The following ANKRD11 variants were observed in gnomAD, a reference collection of about 807,000 sequenced individuals.
The protein encoded by ANKRD11 is ankyrin repeat domain 11.
A neutral mutation model predicts 195.7 loss-of-function variants in ANKRD11; 17 were observed. That is an observed-to-expected ratio of 0.09 (90% CI 0.06 to 0.13). ANKRD11 has a LOEUF of 0.13. Ranked by LOEUF, ANKRD11 falls within the 10% of genes least tolerant of loss-of-function variation. The probability of loss-of-function intolerance (pLI) is 1.00; values close to 1 mark genes in which losing one functional copy is unlikely to be tolerated. For synonymous variants in ANKRD11, 1,953 were observed against 1,528.1 expected, an observed-to-expected ratio of 1.28 and a Z score of -6.49; for missense variants, 3,735 against 3,566.1, an observed-to-expected ratio of 1.05 and a Z score of -1.21.
At chr16:89,325,884 G>A (rs1252124029) in intron 2 of ANKRD11, among the ~76,000 whole-genome samples, 2 of 152,162 alleles carry the variant, frequency 1.3e-5, no homozygotes, top group African/African-American at 2.4e-5. Context: ...CGCCCTGCTA[G>A]GCCCTACTGG....
At chr16:89,450,494 C>T (rs2044020560) in intron 1 of ANKRD11, among the ~76,000 whole-genome samples, 1 of 152,316 alleles carries the variant, frequency 6.6e-6, no homozygotes, top group Admixed American at 6.5e-5. Context: ...TCAACAAATA[C>T]TTGCAAGTAT....
intron 1 of ANKRD11, among the ~76,000 whole-genome samples, chr16:89,424,439 C>G (rs1245393464): frequency 3.0e-5 from 3 of 98,474 alleles, no homozygotes; most frequent in Non-Finnish European, 6.5e-5. Flanking sequence ...AAAACTCTGT[C>G]TCAAAAAAAA....
chr16:89,381,290 C>G (rs1048976681), intron 2 of ANKRD11, among the ~76,000 whole-genome samples: 25 of 146,002 alleles, frequency 1.7e-4, no homozygotes, highest in Non-Finnish European at 2.4e-4. Context: ...CGACAATGCG[C>G]CACTGCACTC....
At chr16:89,424,271 G>C (rs550774637) in intron 1 of ANKRD11, among the ~76,000 whole-genome samples, 50 of 152,146 alleles carry the variant, frequency 3.3e-4, no homozygotes, top group Middle Eastern at 3.4e-3. Flanking sequence ...GAGAAACCCC[G>C]TCTGTACTAA....
chr16:89,416,260 G>C (rs1302395793), intron 2 of ANKRD11, among the ~76,000 whole-genome samples: 1 of 151,956 alleles, frequency 6.6e-6, no homozygotes, highest in African/African-American at 2.4e-5. Flanking sequence ...CTGATAGCTT[G>C]CTCCCCTTTA....
intron 2 of ANKRD11, among the ~76,000 whole-genome samples, chr16:89,383,865 A>G (rs771926489): frequency 1.3e-5 from 2 of 152,126 alleles, no homozygotes; most frequent in African/African-American, 4.8e-5. Flanking sequence ...CACCACCTCC[A>G]AGCTCCAGTC....
intron 2 of ANKRD11, among the ~76,000 whole-genome samples, chr16:89,351,329 A>G (rs531151446): frequency 1.3e-5 from 2 of 152,196 alleles, no homozygotes; most frequent in Non-Finnish European, 2.9e-5. Context: ...GATGGCATCC[A>G]TGGCCCTAGG....
chr16:89,280,611 C>G lies in ANKRD11; in HGVS notation c.5931G>C (p.Ser1977=). ...SENPVSWPVG[S]DLLLKSPQRF... ...TCTGTGGAGACTTCAGCAGGAGGTC[C>G]GAGCCCACAGGCCAGCTCACAGGGT... Residue 1977 remains serine, a synonymous_variant, in exon 9 of 13, where the codon TCG becomes TCC. Coordinates refer to ENST00000301030, the MANE Select transcript of ANKRD11 (RefSeq NM_013275.6). 1 of 1,613,442 alleles carries G rather than the reference C, an allele frequency of 6.2e-7. No homozygotes were observed. The highest frequency in any genetic ancestry group is 8.5e-7 in the Non-Finnish European group (1 of 1,179,924).
intron 2 of ANKRD11, among the ~76,000 whole-genome samples, chr16:89,345,356 T>A (rs1436435950): frequency 6.8e-6 from 1 of 147,266 alleles, no homozygotes; most frequent in Admixed American, 6.9e-5. Flanking sequence ...CGGCACCTGG[T>A]GCCCCATCTG....
chr16:89,455,628 G>A (rs1021374170), intron 1 of ANKRD11, among the ~76,000 whole-genome samples: 1 of 152,014 alleles, frequency 6.6e-6, no homozygotes, highest in African/African-American at 2.4e-5. Context: ...TAATGAAAAA[G>A]CTGCTCGATT....
intron 1 of ANKRD11, among the ~76,000 whole-genome samples, chr16:89,457,736 G>A (rs1245840336): frequency 6.6e-6 from 1 of 152,110 alleles, no homozygotes; most frequent in African/African-American, 2.4e-5. Flanking sequence ...GGAAATGTCT[G>A]TGTCAAGCTG....
At position 89,300,674 on chromosome 16, in the gene ANKRD11, G is replaced by A. The variant is rs953255307; in HGVS notation, c.226+4532C>T. The A allele has an allele frequency of 1.1e-5, 6 of 529,836 alleles. 1 individual carries two copies. Among genetic ancestry groups the A allele is most frequent in the South Asian group, 7.6e-5 (3 of 39,512 alleles). 32.8% of individuals were successfully genotyped at this position (529,836 alleles called of 1,614,324 possible). A position where few individuals can be genotyped will look rare whatever the true frequency, so the allele number is the denominator to read the frequency against. On this transcript the variant is annotated intron_variant, in intron 4 of 12. Transcript: ENST00000301030. ...GGAAGCAGGAGCCGTCAGAACAGCC[G>A]TCTCCTATCTGAGGCACCAGGAACA...
chr16:89,366,235 T>C (rs1426371715), intron 2 of ANKRD11, among the ~76,000 whole-genome samples: 2 of 152,104 alleles, frequency 1.3e-5, no homozygotes, highest in Non-Finnish European at 2.9e-5. Context: ...CCGTCACTGA[T>C]AGATGCTCAT....
chr16:89,441,601 AC>A (rs1170273807), intron 1 of ANKRD11, among the ~76,000 whole-genome samples: 1 of 151,716 alleles, frequency 6.6e-6, no homozygotes, highest in Non-Finnish European at 1.5e-5. Context: ...CCCCACCTCT[AC>A]TAAAAATACA....
chr16:89,456,999 G>T (rs1164983941), intron 1 of ANKRD11, among the ~76,000 whole-genome samples: 1 of 142,690 alleles, frequency 7.0e-6, no homozygotes, highest in Non-Finnish European at 1.5e-5. Flanking sequence ...TCGCTCTGTC[G>T]CCCAGGCTGG....
In ANKRD11 at chr16:89,268,536, G is replaced by A. The variant is rs1326795354; in HGVS notation, c.7934C>T (p.Pro2645Leu). The A allele has an allele frequency of 1.4e-6, 2 of 1,471,408 alleles. No homozygotes were observed. Among genetic ancestry groups the A allele is most frequent in the African/African-American group, 1.4e-5 (1 of 70,722 alleles). The allele number at this position is 1,471,408 out of a possible 1,614,324, so 91.1% of individuals were successfully genotyped here. A position where few individuals can be genotyped will look rare whatever the true frequency, so the allele number is the denominator to read the frequency against. ...GHKSLCVNEV[P>L]SFYVPMVDVN... ...GTCGACCATGGGCACGTAGAAGGAG[G>A]GCACCTCGTTCACGCACAGGGACTT... Residue 2645 changes from proline to leucine, a missense_variant, in exon 13 of 13, where the codon CCC becomes CTC. Coordinates refer to ENST00000301030, the MANE Select transcript of ANKRD11 (RefSeq NM_013275.6).
intron 2 of ANKRD11, among the ~76,000 whole-genome samples, chr16:89,415,351 G>A (rs1374869586): frequency 1.4e-5 from 2 of 139,622 alleles, no homozygotes; most frequent in Non-Finnish European, 3.0e-5. Flanking sequence ...TGCAAGCTCC[G>A]CCTCCCAGGT....
intron 2 of ANKRD11, among the ~76,000 whole-genome samples, chr16:89,389,892 C>T (rs1281615179): frequency 2.5e-5 from 3 of 118,934 alleles, no homozygotes; most frequent in Non-Finnish European, 3.4e-5. Flanking sequence ...CCGAGTGTGG[C>T]GGGGAGCACC....
At position 89,282,296 on chromosome 16, in the gene ANKRD11, G is replaced by A. The variant is rs747987415; in HGVS notation, c.4246C>T (p.Leu1416=). Residue 1416 remains leucine (L), a synonymous_variant, in exon 9 of 13, where the codon CTA becomes TTA. Coordinates refer to ENST00000301030, the MANE Select transcript of ANKRD11 (RefSeq NM_013275.6). ...GAAAACAATTCAATGGTTTTATCTA[G>A]CTCATCTTCTATGTCAGCTTTCATG... is the stretch of plus-strand genomic sequence containing the variant. ...YNMKADIEDE[L]DKTIELFSTE... The A allele has an allele frequency of 4.3e-6, 7 of 1,614,022 alleles. No homozygotes were observed. In the South Asian group the frequency reaches 5.5e-5, roughly 13 times the overall value.
Sources: allele counts gnomAD v4.1 joint callset (sites outside exome capture counted in the v4.1 genomes callset), GRCh38; gene constraint gnomAD v4.1.1; transcripts MANE v1.5; gene names NCBI Gene and HGNC (gene_info 2026-07-23, HGNC 2026-07-21).